The following ASTN2 variants were observed in gnomAD, a reference collection of about 807,000 sequenced individuals.
ASTN2 encodes the protein astrotactin-2.
A neutral mutation model predicts 139.8 loss-of-function variants in ASTN2; 54 were observed. The ratio of observed to expected loss-of-function variants is 0.39; its 90% CI spans 0.31 to 0.48. The LOEUF (loss-of-function observed/expected upper bound fraction) is 0.48. Among genes scored for constraint, ASTN2 ranks in the 20% least tolerant of loss-of-function variants. The probability of loss-of-function intolerance (pLI) is 0.95; values close to 1 mark genes in which losing one functional copy is unlikely to be tolerated. For missense variants in ASTN2, 1,565 were observed against 1,725.1 expected, an observed-to-expected ratio of 0.91 and a Z score of 1.64; for synonymous variants, 756 against 719.5, an observed-to-expected ratio of 1.05 and a Z score of -0.81.
At chr9:116,999,389 T>C (rs1837119329) in intron 7 of ASTN2, among the ~76,000 whole-genome samples, 1 of 152,032 alleles carries the variant, frequency 6.6e-6, no homozygotes, top group Non-Finnish European at 1.5e-5. Context: ...TAAAAGTATG[T>C]CCCCACTCAT....
At chr9:117,100,648 C>A (rs1828954962) in intron 4 of ASTN2, among the ~76,000 whole-genome samples, 2 of 152,174 alleles carry the variant, frequency 1.3e-5, no homozygotes, top group South Asian at 4.1e-4. Flanking sequence ...ATTTGTACAA[C>A]AAATATTACT....
intron 6 of ASTN2, among the ~76,000 whole-genome samples, chr9:117,012,209 T>A (rs1837557077): frequency 6.6e-6 from 1 of 152,172 alleles, no homozygotes; most frequent in Non-Finnish European, 1.5e-5. Flanking sequence ...AATTTTTCCA[T>A]CCTGTGAGAG....
chr9:117,033,804 C>T (rs138345947), intron 6 of ASTN2, among the ~76,000 whole-genome samples: 1 of 152,052 alleles, frequency 6.6e-6, no homozygotes, highest in Non-Finnish European at 1.5e-5. Flanking sequence ...CTGAGCCCCA[C>T]TTTTCACGTA....
chr9:116,630,247 C>A (rs1856680769), intron 17 of ASTN2, among the ~76,000 whole-genome samples: 1 of 152,114 alleles, frequency 6.6e-6, no homozygotes, highest in African/African-American at 2.4e-5. Flanking sequence ...TATAGCAGAA[C>A]AAAACTCAGA....
At chr9:116,428,860 A>T (rs908745076) in intron 22 of ASTN2, among the ~76,000 whole-genome samples, 3 of 152,238 alleles carry the variant, frequency 2.0e-5, no homozygotes, top group African/African-American at 7.2e-5. Context: ...TATTTTTTAA[A>T]TAAAAAATTA....
At chr9:116,832,049 T>C (rs892665224) in intron 11 of ASTN2, among the ~76,000 whole-genome samples, 2 of 152,170 alleles carry the variant, frequency 1.3e-5, no homozygotes, top group African/African-American at 4.8e-5. Flanking sequence ...GATACTGTAT[T>C]TTTTATATAT....
At chr9:116,839,761 C>T (rs1008365742) in intron 11 of ASTN2, among the ~76,000 whole-genome samples, 4 of 151,762 alleles carry the variant, frequency 2.6e-5, no homozygotes, top group Non-Finnish European at 5.9e-5. Flanking sequence ...ACCTCCACCT[C>T]CTGGGATCAA....
chr9:116,500,312 G>A (rs1423714301), intron 19 of ASTN2, among the ~76,000 whole-genome samples: 2 of 152,196 alleles, frequency 1.3e-5, no homozygotes, highest in African/African-American at 4.8e-5. Flanking sequence ...CAGCACAATG[G>A]AAGTGAAAAT....
intron 16 of ASTN2, among the ~76,000 whole-genome samples, chr9:116,695,137 T>C (rs916079677): frequency 3.3e-5 from 5 of 152,128 alleles, no homozygotes; most frequent in African/African-American, 1.2e-4. Flanking sequence ...CTTGAAATAA[T>C]GTTGGGTTAA....
intron 4 of ASTN2, among the ~76,000 whole-genome samples, chr9:117,114,798 C>T (rs1004123132): frequency 1.3e-5 from 2 of 152,174 alleles, no homozygotes; most frequent in African/African-American, 4.8e-5. Context: ...CTTAGTTCTC[C>T]TGGGACAGAA....
chr9:117,157,157 A>G (rs56365152), intron 3 of ASTN2, among the ~76,000 whole-genome samples: 41 of 152,170 alleles, frequency 2.7e-4, no homozygotes, highest in South Asian at 1.0e-3. Flanking sequence ...ATGATGCCCA[A>G]GAAAGGAAGA....
chr9:117,022,074 T>C (rs1837901255), intron 6 of ASTN2, among the ~76,000 whole-genome samples: 1 of 152,128 alleles, frequency 6.6e-6, no homozygotes. Context: ...ACTTTCCTAA[T>C]TGCCTGTTCC....
chr9:116,921,876 T>TGA (rs1183065161), intron 10 of ASTN2, among the ~76,000 whole-genome samples: 2 of 152,130 alleles, frequency 1.3e-5, no homozygotes, highest in South Asian at 2.1e-4. Flanking sequence ...GTCCCTCTCT[T>TGA]GACACATGGG....
intron 7 of ASTN2, among the ~76,000 whole-genome samples, chr9:116,998,549 T>TCATTCATC (rs1554767975): frequency 1.3e-5 from 2 of 150,560 alleles, no homozygotes; most frequent in East Asian, 2.0e-4. Context: ...AATTTGATTT[T>TCATTCATC]CATCCATCCA....
intron 16 of ASTN2, among the ~76,000 whole-genome samples, chr9:116,679,291 C>A (rs1271629297): frequency 1.3e-5 from 2 of 152,038 alleles, no homozygotes; most frequent in African/African-American, 4.8e-5. Flanking sequence ...ATGCCTCTTT[C>A]TAGCCTAATC....
intron 5 of ASTN2, among the ~76,000 whole-genome samples, chr9:117,058,189 T>C (rs1314132592): frequency 6.6e-6 from 1 of 152,112 alleles, no homozygotes. Flanking sequence ...GATAAAAGAA[T>C]AAATGGATAA....
intron 3 of ASTN2, among the ~76,000 whole-genome samples, chr9:117,190,811 C>T (rs1036015612): frequency 1.3e-5 from 2 of 152,034 alleles, no homozygotes; most frequent in Non-Finnish European, 2.9e-5. Context: ...TTTTCTTTCT[C>T]CCCCATTGCA....
chr9:116,571,404 C>G (rs10983238), intron 19 of ASTN2, among the ~76,000 whole-genome samples: 24,687 of 152,256 alleles, frequency 0.16, 2,520 homozygotes, highest in Non-Finnish European at 0.23. Context: ...TTTCACAACC[C>G]TTTCTCTTTC....
intron 10 of ASTN2, among the ~76,000 whole-genome samples, chr9:116,864,970 T>C (rs375127603): frequency 1.3e-5 from 2 of 152,130 alleles, no homozygotes; most frequent in African/African-American, 4.8e-5. Context: ...AGAGAAGAAA[T>C]ATAAATTAGC....
Sources: allele counts gnomAD v4.1 joint callset (sites outside exome capture counted in the v4.1 genomes callset), GRCh38; gene constraint gnomAD v4.1.1; transcripts MANE v1.5; gene names NCBI Gene and HGNC (gene_info 2026-07-23, HGNC 2026-07-21).